ME1: variants seen among roughly 807,000 people sequenced by gnomAD.
The protein encoded by ME1 is malic enzyme 1, also known as NADP-dependent malic enzyme.
Under a neutral mutation model 66.4 loss-of-function variants are expected in ME1, and 74 were observed. The ratio of observed to expected loss-of-function variants is 1.11; its 90% confidence interval spans 0.92 to 1.35. The LOEUF is 1.35. Among genes scored for constraint, ME1 ranks in the 40% most tolerant of loss-of-function variants. ME1 has a pLI of 0.00. For synonymous variants in ME1, 251 were observed against 235.6 expected, an observed-to-expected ratio of 1.07 and a Z score of -0.60; for missense variants, 750 against 694.1, an observed-to-expected ratio of 1.08 and a Z score of -0.90.
chr6:83,358,953 G>A (rs1768952648), intron 3 of ME1, among the ~76,000 whole-genome samples: 1 of 151,990 alleles, frequency 6.6e-6, no homozygotes, highest in Admixed American at 6.6e-5. Flanking sequence ...GCAAACTTGG[G>A]GAAGACAGAA....
chr6:83,308,975 T>G (rs185388605), intron 6 of ME1, among the ~76,000 whole-genome samples: 4 of 152,030 alleles, frequency 2.6e-5, no homozygotes, highest in Admixed American at 2.0e-4. Context: ...GGATGTCAAG[T>G]AGACAGAAAG....
chr6:83,298,931 G>GGTTTTTTTTTTTTTT (rs1767655458), intron 6 of ME1, among the ~76,000 whole-genome samples: 1 of 22,458 alleles, frequency 4.5e-5, no homozygotes, highest in African/African-American at 1.9e-4. Context: ...CTATGTGTCT[G>GGTTTTTTTTTTTTTT]TTTTTTTTTT....
chr6:83,221,300 G>T (rs1272455461), intron 12 of ME1, among the ~76,000 whole-genome samples: 5 of 152,198 alleles, frequency 3.3e-5, no homozygotes, highest in African/African-American at 1.2e-4. Flanking sequence ...TACGGAGAAA[G>T]ATCAAGATGA....
intron 9 of ME1, among the ~76,000 whole-genome samples, chr6:83,229,996 A>ATT (rs973504285): frequency 6.7e-6 from 1 of 148,174 alleles, no homozygotes; most frequent in Admixed American, 6.7e-5. Flanking sequence ...CTAATTTATC[A>ATT]TTTTTTTTTA....
chr6:83,358,156 C>T (rs1255945998), intron 3 of ME1, among the ~76,000 whole-genome samples: 3 of 150,890 alleles, frequency 2.0e-5, no homozygotes, highest in Non-Finnish European at 3.0e-5. Flanking sequence ...ATGATTAGAC[C>T]ACAAAATGCT....
chr6:83,386,887 T>C (rs1160718061), intron 3 of ME1, among the ~76,000 whole-genome samples: 2 of 152,016 alleles, frequency 1.3e-5, no homozygotes, highest in African/African-American at 2.4e-5. Context: ...AAGAGGGTCC[T>C]TACTGGAAAG....
chr6:83,413,808 G>C (rs1770098050), intron 1 of ME1, among the ~76,000 whole-genome samples: 1 of 152,024 alleles, frequency 6.6e-6, no homozygotes, highest in South Asian at 2.1e-4. Context: ...TGATAATATA[G>C]ATAACAATTT....
intron 6 of ME1, among the ~76,000 whole-genome samples, chr6:83,276,015 C>A (rs1386574130): frequency 1.3e-5 from 2 of 151,944 alleles, no homozygotes; most frequent in African/African-American, 2.4e-5. Context: ...CGTGATCTGC[C>A]CGTCTCGGTC....
At chr6:83,345,478 G>A (rs1232095366) in intron 5 of ME1, among the ~76,000 whole-genome samples, 1 of 152,048 alleles carries the variant, frequency 6.6e-6, no homozygotes, top group Non-Finnish European at 1.5e-5. Context: ...GTTTTAGAAG[G>A]AGACAAAGAA....
At chr6:83,252,014 T>C (rs1172156725) in intron 7 of ME1, among the ~76,000 whole-genome samples, 1 of 152,158 alleles carries the variant, frequency 6.6e-6, no homozygotes, top group Non-Finnish European at 1.5e-5. Context: ...ATAGATTACT[T>C]AGATGATAGC....
chr6:83,221,643 G>A (rs1002985357), intron 12 of ME1, among the ~76,000 whole-genome samples: 6 of 152,108 alleles, frequency 3.9e-5, no homozygotes, highest in African/African-American at 1.4e-4. Context: ...TACCCAACAG[G>A]CAACTGGAGA....
chr6:83,263,330 C>G (rs193169549), intron 6 of ME1, among the ~76,000 whole-genome samples: 2 of 152,094 alleles, frequency 1.3e-5, no homozygotes, highest in African/African-American at 4.8e-5. Flanking sequence ...GTGTTCAAGT[C>G]AAAGGAAAAG....
rs1007416951 is a variant in ME1, at chr6:83,211,966, C to T, written c.1677G>A (p.Trp559Ter). Residue 559 changes from tryptophan to a stop codon, truncating the protein, a stop_gained, in exon 14 of 14, where the codon TGG becomes TGA. Transcript: ENST00000369705. LOFTEE classifies it high-confidence loss of function. ...TCTGTATTTTCTGCACCTCTTCAGGCCAAGAATAACAATCAGGTAGAATCT... is the reference window on the plus strand; with the variant it reads ...TCTGTATTTTCTGCACCTCTTCAGGTCAAGAATAACAATCAGGTAGAATCT... ...YDQILPDCYS[W>*]PEEVQKIQTK... 1.9e-6 allele frequency: 3 copies of T among 1,607,740 alleles called. No individual in the cohort carries two copies. The highest frequency in any genetic ancestry group is 3.3e-5 in the Admixed American group (2 of 59,722).
At chr6:83,270,720 G>C (rs1767068884) in intron 6 of ME1, among the ~76,000 whole-genome samples, 1 of 152,166 alleles carries the variant, frequency 6.6e-6, no homozygotes, top group South Asian at 2.1e-4. Context: ...AGAAGAGGAT[G>C]CATAATATGT....
At chr6:83,374,737 T>C (rs2128547644) in intron 3 of ME1, among the ~76,000 whole-genome samples, 1 of 152,328 alleles carries the variant, frequency 6.6e-6, no homozygotes, top group East Asian at 1.9e-4. Flanking sequence ...TGGTTTTACA[T>C]TTAAGTATTT....
At chr6:83,315,679 A>T (rs1285397582) in intron 5 of ME1, among the ~76,000 whole-genome samples, 1 of 152,164 alleles carries the variant, frequency 6.6e-6, no homozygotes, top group Non-Finnish European at 1.5e-5. Context: ...CAGGCAGATC[A>T]CGAGGTCAGG....
chr6:83,407,860 A>T lies in ME1; in HGVS notation c.120T>A (p.Ile40=). The change falls in exon 2 of 14, where the codon ATT becomes ATA. Residue 40 remains isoleucine, a synonymous_variant. Transcript: ENST00000369705. ...TGAAGGAAGGTGGCAACAATCCATG[A>T]ATGTTCAATTGCTGTCTCTCTTCCA... ...FTLEERQQLN[I]HGLLPPSFNS... The T allele has an allele frequency of 6.2e-7, 1 of 1,613,360 alleles. No homozygotes were observed. Among genetic ancestry groups the T allele is most frequent in the South Asian group, 1.1e-5 (1 of 90,886 alleles).
intron 3 of ME1, among the ~76,000 whole-genome samples, chr6:83,356,706 T>G (rs1009334561): frequency 1.3e-5 from 2 of 152,028 alleles, no homozygotes; most frequent in Non-Finnish European, 2.9e-5. Flanking sequence ...TTAAGTGCAG[T>G]AAATTCTTTG....
chr6:83,409,653 T>G (rs1394884405), intron 1 of ME1, among the ~76,000 whole-genome samples: 1 of 152,180 alleles, frequency 6.6e-6, no homozygotes, highest in African/African-American at 2.4e-5. Flanking sequence ...AGAGACAAAT[T>G]GGTCCACTGA....
Sources: allele counts gnomAD v4.1 joint callset (sites outside exome capture counted in the v4.1 genomes callset), GRCh38; gene constraint gnomAD v4.1.1; transcripts MANE v1.5; gene names NCBI Gene and HGNC (gene_info 2026-07-23, HGNC 2026-07-21).